The following ASAP1 variants were observed in gnomAD, a reference collection of about 807,000 sequenced individuals.
The protein encoded by ASAP1 is ArfGAP with SH3 domain, ankyrin repeat and PH domain 1.
ASAP1 carries 43 observed loss-of-function variants against 145.2 expected under a neutral mutation model. The observed-to-expected ratio is 0.30, with a 90% CI of 0.23 to 0.38. The LOEUF is 0.38. Ranked by LOEUF, ASAP1 falls within the 10% of genes least tolerant of loss-of-function variation. ASAP1 has a pLI of 1.00. For missense variants in ASAP1, 1,018 were observed against 1,355.3 expected (o/e 0.75, Z 3.91); for synonymous variants, 546 against 515.5 (o/e 1.06, Z -0.80).
At chr8:130,204,222 C>T (rs531727202) in intron 5 of ASAP1, among the ~76,000 whole-genome samples, 3 of 152,162 alleles carry the variant, frequency 2.0e-5, no homozygotes, top group Non-Finnish European at 4.4e-5. Flanking sequence ...AGGTTGCACG[C>T]TACTTATGAG....
At chr8:130,277,321 G>A (rs1820973707) in intron 3 of ASAP1, among the ~76,000 whole-genome samples, 1 of 152,122 alleles carries the variant, frequency 6.6e-6, no homozygotes, top group African/African-American at 2.4e-5. Context: ...AACGGCTATA[G>A]GCAACAGGAG....
At chr8:130,426,728 C>T (rs1167406350) in intron 1 of ASAP1, among the ~76,000 whole-genome samples, 1 of 152,202 alleles carries the variant, frequency 6.6e-6, no homozygotes, top group East Asian at 1.9e-4. Flanking sequence ...TCCTTTGGGT[C>T]TTTGCTTAGT....
chr8:130,344,219 A>AAAT (rs1333155059), intron 3 of ASAP1, among the ~76,000 whole-genome samples: 1 of 152,236 alleles, frequency 6.6e-6, no homozygotes, highest in Non-Finnish European at 1.5e-5. Context: ...AAGAAATTTG[A>AAAT]AATATGTCCA....
At chr8:130,227,755 C>T (rs1196588632) in intron 4 of ASAP1, among the ~76,000 whole-genome samples, 1 of 151,656 alleles carries the variant, frequency 6.6e-6, no homozygotes, top group African/African-American at 2.4e-5. Context: ...GTTCCAAAAA[C>T]CCCTGAAATT....
At chr8:130,242,283 A>C (rs1370229361) in intron 3 of ASAP1, among the ~76,000 whole-genome samples, 7 of 122,762 alleles carry the variant, frequency 5.7e-5, no homozygotes, top group Non-Finnish European at 8.9e-5. Context: ...AAAAAAAAAA[A>C]CAACTTTTTT....
chr8:130,409,963 G>A (rs903309726), intron 1 of ASAP1, among the ~76,000 whole-genome samples: 4 of 152,222 alleles, frequency 2.6e-5, no homozygotes, highest in African/African-American at 9.6e-5. Flanking sequence ...GCAGGGACAG[G>A]TATAGAAACA....
intron 2 of ASAP1, among the ~76,000 whole-genome samples, chr8:130,373,146 A>ACACC: frequency 6.7e-6 from 1 of 148,702 alleles, no homozygotes; most frequent in African/African-American, 2.5e-5. Context: ...ACACACACAC[A>ACACC]CACAGAGTCT....
rs147026002 is a variant in ASAP1 at position 130,152,861 on chromosome 8, C to T, written c.1011-56G>A. Reference sequence around the variant, plus strand: ...AGTAACTGATTCACTCTGGGACATGCGACGATACAGTATGATACATAATAA... The same window carrying T: ...AGTAACTGATTCACTCTGGGACATGTGACGATACAGTATGATACATAATAA... On this transcript the variant is annotated intron_variant, in intron 12 of 29. Transcript: ENST00000518721. 8.1e-4 allele frequency: 1,064 copies of T among 1,309,962 alleles called. 7 individuals carry two copies. In the African/African-American group the frequency reaches 0.012, roughly 14 times the overall value. 81.1% of individuals were successfully genotyped at this position (1,309,962 alleles called of 1,614,324 possible).
At chr8:130,210,556 C>A (rs778410231) in intron 5 of ASAP1, among the ~76,000 whole-genome samples, 1 of 152,124 alleles carries the variant, frequency 6.6e-6, no homozygotes, top group African/African-American at 2.4e-5. Context: ...AATCAAAGGA[C>A]AAAAACAACC....
At chr8:130,184,887 T>A (rs919386451) in intron 7 of ASAP1, among the ~76,000 whole-genome samples, 18 of 152,204 alleles carry the variant, frequency 1.2e-4, no homozygotes, top group Non-Finnish European at 2.9e-5. Flanking sequence ...GTAATTTTTA[T>A]ATTATTTTAC....
intron 3 of ASAP1, among the ~76,000 whole-genome samples, chr8:130,295,364 T>C (rs79291630): frequency 0.026 from 4,006 of 151,960 alleles, 62 homozygotes; most frequent in Middle Eastern, 0.045. Flanking sequence ...TCAAAGACTA[T>C]CACATTGATT....
At chr8:130,164,815 T>C (rs2097676646) in intron 11 of ASAP1, among the ~76,000 whole-genome samples, 1 of 152,104 alleles carries the variant, frequency 6.6e-6, no homozygotes, top group Admixed American at 6.5e-5. Flanking sequence ...TAGAACCCGG[T>C]GGGGATGAGT....
intron 3 of ASAP1, among the ~76,000 whole-genome samples, chr8:130,327,083 A>G (rs1824383123): frequency 6.6e-6 from 1 of 152,204 alleles, no homozygotes; most frequent in Non-Finnish European, 1.5e-5. Flanking sequence ...ATCACATGCC[A>G]AGAGCAAGGG....
rs1186599933 is a variant in ASAP1 at position 130,118,492 on chromosome 8, C to A, written c.1791G>T (p.Gly597=). 6.2e-7 allele frequency: 1 copy of A among 1,603,800 alleles called. No homozygotes were observed. Among genetic ancestry groups the A allele is most frequent in the Non-Finnish European group, 8.5e-7 (1 of 1,174,394 alleles). ...AATGATTTTAGTGAGGCCTTACCTG[C>A]CCAGGTTCCAGCAGTGGTTCCATTA... The part of the protein sequence containing the change: ...VELMEPLLEP[G]QELGETALHL... The change falls in exon 19 of 30, where the codon GGG becomes GGT. Residue 597 remains glycine, a synonymous_variant. Transcript: ENST00000518721.
At position 130,113,015 on chromosome 8, in the gene ASAP1, T is replaced by C. The variant is rs922046468; in HGVS notation, c.2173-693A>G. Among the ~76,000 whole-genome samples, 3 of 152,290 alleles carry C rather than the reference T, an allele frequency of 2.0e-5. No homozygotes were observed. The East Asian group carries it at 5.8e-4, about 29-fold the overall frequency. The stretch of plus-strand genomic sequence containing the variant: ...CCTCCTAGTACAGGTGCTCACCAGC[T>C]CCCACTGCAGCTCTAGCCTCCAGAA... On this transcript the variant is annotated intron_variant, in intron 23 of 29. Transcript: ENST00000518721.
rs71302402 is a variant in ASAP1, at chr8:130,217,537, TACACAC to T, written c.260-2842_260-2837del. Among the ~76,000 whole-genome samples the T allele has an allele frequency of 3.9e-3, 586 of 148,990 alleles. 5 individuals are homozygous for T. Among genetic ancestry groups the T allele is most frequent in the African/African-American group, 0.014 (561 of 40,456 alleles). ...ATGTGTATATATGTGTGTATATATG[TACACAC>T]ACACACACACACACACAGATCTTTT... On this transcript the variant is annotated intron_variant, in intron 4 of 29. Coordinates refer to ENST00000518721, the MANE Select transcript of ASAP1 (RefSeq NM_018482.4).
At chr8:130,159,606 T>A (rs2097665088) in intron 12 of ASAP1, among the ~76,000 whole-genome samples, 2 of 150,518 alleles carry the variant, frequency 1.3e-5, no homozygotes, top group African/African-American at 4.9e-5. Flanking sequence ...AGCACTTGCC[T>A]GCTGCATGTG....
rs192825548 is a variant in ASAP1 at position 130,067,697 on chromosome 8, A to G, written c.2702-6628T>C. On this transcript the variant is annotated intron_variant, in intron 27 of 29. Transcript: ENST00000518721. ...ATTACAGGTGTGAGCCACCGTGCCC[A>G]GCCCCACTGCTTTAATCCCATTAAG... Among the ~76,000 whole-genome samples the G allele has an allele frequency of 7.9e-5, 12 of 152,284 alleles. No homozygotes were observed. In the East Asian group the frequency reaches 2.3e-3, roughly 29 times the overall value.
intron 2 of ASAP1, among the ~76,000 whole-genome samples, chr8:130,377,737 G>T (rs2138355635): frequency 6.6e-6 from 1 of 152,294 alleles, no homozygotes; most frequent in Non-Finnish European, 1.5e-5. Context: ...CAGAGGAGGG[G>T]AGTGCTCCCC....
Sources: gnomAD v4.1 joint callset for allele counts (sites outside exome capture counted in the v4.1 genomes callset) on GRCh38, gnomAD v4.1.1 for gene constraint, MANE v1.5 for transcripts, NCBI Gene and HGNC (gene_info 2026-07-23, HGNC 2026-07-21) for gene names.